The following SLC37A2 variants were observed in gnomAD, a reference collection of about 807,000 sequenced individuals.
SLC37A2 encodes the protein solute carrier family 37 member 2, also known as glucose-6-phosphate exchanger SLC37A2.
Under a neutral mutation model 70.7 loss-of-function variants are expected in SLC37A2, and 59 were observed. The ratio of observed to expected loss-of-function variants is 0.83; its 90% confidence interval spans 0.68 to 1.04. The LOEUF (loss-of-function observed/expected upper bound fraction) is 1.04, where lower values mean the gene tolerates loss of function less well. Among genes scored for constraint, SLC37A2 ranks in the 50% least tolerant of loss-of-function variants. SLC37A2 has a pLI of 0.00. For missense variants in SLC37A2, 580 were observed against 658.1 expected, an observed-to-expected ratio of 0.88 and a Z score of 1.30; for synonymous variants, 257 against 262.1, an observed-to-expected ratio of 0.98 and a Z score of 0.19.
At chr11:125,084,354 T>G in intron 12 of SLC37A2, 35 bp downstream of exon 12, 1 of 1,606,604 alleles carries the variant, frequency 6.2e-7, no homozygotes. Flanking sequence ...TGCGAATGCA[T>G]GTGAGCAGGA....
In SLC37A2 at chr11:125,085,580, C is replaced by A; in HGVS notation, c.1331C>A (p.Ala444Glu). 2 of 1,613,780 alleles carry A rather than the reference C, an allele frequency of 1.2e-6. No individual in the cohort carries two copies. Among genetic ancestry groups the A allele is most frequent in the Non-Finnish European group, 1.7e-6 (2 of 1,180,010 alleles). Residue 444 changes from alanine to glutamate, a missense_variant, in exon 16 of 18, where the codon GCG (alanine) becomes GAG (glutamate). Coordinates refer to ENST00000403796, the MANE Select transcript of SLC37A2 (RefSeq NM_001145290.2). ...AIIDGTGSIG[A>E]ALGPLLAGLI... Reference sequence around the variant, plus strand: ...CACGAGGCTGTGCTCCATTCAGGTGCGGCTCTGGGGCCTCTGCTGGCTGGG... The same window carrying A: ...CACGAGGCTGTGCTCCATTCAGGTGAGGCTCTGGGGCCTCTGCTGGCTGGG...
intron 1 of SLC37A2, among the ~76,000 whole-genome samples, chr11:125,070,351 G>GA (rs1410694793): frequency 6.6e-6 from 1 of 152,186 alleles, no homozygotes; most frequent in Admixed American, 6.5e-5. Context: ...CATACTGAGA[G>GA]AAAATCTGCT....
chr11:125,077,968 T>C (rs1312153065), intron 4 of SLC37A2, among the ~76,000 whole-genome samples: 1 of 152,120 alleles, frequency 6.6e-6, no homozygotes, highest in Non-Finnish European at 1.5e-5. Context: ...AATGGATGCA[T>C]TGGCAGCTGG....
At chr11:125,075,464 C>T (rs1056386177) in intron 1 of SLC37A2, among the ~76,000 whole-genome samples, 6 of 152,182 alleles carry the variant, frequency 3.9e-5, no homozygotes, top group Admixed American at 1.3e-4. Context: ...CTTTGGGAAC[C>T]GGTGGCCAGA....
At position 125,088,878 on chromosome 11, in the gene SLC37A2, G is replaced by A. The variant is rs1016045597; in HGVS notation, c.*744G>A. On this transcript the variant is annotated 3_prime_UTR_variant, in exon 18 of 18. Coordinates refer to ENST00000403796, the MANE Select transcript of SLC37A2 (RefSeq NM_001145290.2). ...TGCTGTGGGGAGAGTAGAAAGAGGGGTTGGCATGACTAAAAATACCAGTAT... is the reference window on the plus strand; with the variant it reads ...TGCTGTGGGGAGAGTAGAAAGAGGGATTGGCATGACTAAAAATACCAGTAT... 3 of 152,316 alleles carry A rather than the reference G, an allele frequency of 2.0e-5. No individual in the cohort carries two copies. The highest frequency in any genetic ancestry group is 7.2e-5 in the African/African-American group (3 of 41,458). The allele number at this position is 152,316 out of a possible 1,614,324, so 9.4% of individuals were successfully genotyped here. A position where few individuals can be genotyped will look rare whatever the true frequency, so the allele number is the denominator to read the frequency against.
chr11:125,076,961 C>A, intron 2 of SLC37A2, 123 bp downstream of exon 2: 3 of 926,470 alleles, frequency 3.2e-6, no homozygotes, highest in South Asian at 1.5e-5. Context: ...TGGCTGTCTT[C>A]CCCAGGAGCT....
intron 1 of SLC37A2, among the ~76,000 whole-genome samples, chr11:125,076,012 C>G (rs1949082890): frequency 6.6e-6 from 1 of 152,004 alleles, no homozygotes; most frequent in African/African-American, 2.4e-5. Flanking sequence ...GCTCTGGGGC[C>G]CTTCCCCAGG....
At chr11:125,085,171 CCG>C (rs1347678804) in intron 14 of SLC37A2, 32 bp downstream of exon 14, 1 of 1,602,866 alleles carries the variant, frequency 6.2e-7, no homozygotes, top group Non-Finnish European at 8.5e-7. Context: ...GGGCCAGGGA[CCG>C]TTCTGGGGGC....
chr11:125,066,310 G>A (rs1344296136), intron 1 of SLC37A2, among the ~76,000 whole-genome samples: 3 of 152,230 alleles, frequency 2.0e-5, no homozygotes, highest in Non-Finnish European at 4.4e-5. Flanking sequence ...GCTGAGGTGG[G>A]AGGATCCCTT....
intron 1 of SLC37A2, among the ~76,000 whole-genome samples, chr11:125,073,779 G>A (rs1326091450): frequency 6.6e-6 from 1 of 152,220 alleles, no homozygotes; most frequent in Non-Finnish European, 1.5e-5. Flanking sequence ...ATGTCCCTGG[G>A]AGTGGCTGGC....
chr11:125,069,206 A>T (rs1481159744), intron 1 of SLC37A2, among the ~76,000 whole-genome samples: 1 of 152,250 alleles, frequency 6.6e-6, no homozygotes, highest in Non-Finnish European at 1.5e-5. Context: ...TCCCTGTGGA[A>T]CATATGAGTG....
Position 125,083,535 on chromosome 11 carries a change from C to T in SLC37A2, c.977-280C>T, listed in dbSNP as rs1320465359. The T allele has an allele frequency of 3.8e-5, 15 of 391,122 alleles. No homozygotes were observed. The highest frequency in any genetic ancestry group is 2.2e-4 in the South Asian group (6 of 27,276). 24.2% of individuals were successfully genotyped at this position (391,122 alleles called of 1,614,324 possible). On this transcript the variant is annotated intron_variant, in intron 10 of 17. Transcript: ENST00000403796. The surrounding 1 kb of genome is among the most constrained non-coding windows in gnomAD (Gnocchi z 4.6). ...AAAGGTGGCCACGGGACAGCAGGCT[C>T]GGGGGCCAGATCCCAGAGCTTGCCA... is the stretch of plus-strand genomic sequence containing the variant.
rs921699989 is a variant in SLC37A2, at chr11:125,083,758, A to G, written c.977-57A>G. On this transcript the variant is annotated intron_variant, in intron 10 of 17. Transcript: ENST00000403796. This position sits in a 1 kb window ranked among gnomAD's most constrained non-coding sequence, Gnocchi z 4.6. ...GCTCTGCAGGGCTTCTAGCTGTGAC[A>G]CTCCAGGATGTTTGCCCCAAACCCC... The G allele has an allele frequency of 8.1e-6, 12 of 1,474,996 alleles. No homozygotes were observed. The African/African-American group carries it at 1.5e-4, about 19-fold the overall frequency. The allele number at this position is 1,474,996 out of a possible 1,614,324, so 91.4% of individuals were successfully genotyped here.
rs990281438 is a variant in SLC37A2, at chr11:125,083,154, C to T, written c.977-661C>T. ...TGAACAGGATACTGTAGGAATTAGT[C>T]ATGGCCAAGTTCAAGCCATAGCTTG... On this transcript the variant is annotated intron_variant, in intron 10 of 17. Coordinates refer to ENST00000403796, the MANE Select transcript of SLC37A2 (RefSeq NM_001145290.2). This position sits in a 1 kb window ranked among gnomAD's most constrained non-coding sequence, Gnocchi z 4.6. The T allele has an allele frequency of 6.6e-6, 1 of 152,512 alleles. No homozygotes were observed. The allele number at this position is 152,512 out of a possible 1,614,324, so 9.4% of individuals were successfully genotyped here. A position where few individuals can be genotyped will look rare whatever the true frequency, so the allele number is the denominator to read the frequency against.
At chr11:125,068,725 G>A (rs1263212028) in intron 1 of SLC37A2, among the ~76,000 whole-genome samples, 5 of 152,100 alleles carry the variant, frequency 3.3e-5, no homozygotes, top group South Asian at 2.1e-4. Context: ...AATACATGGC[G>A]GCTTTTACTA....
At chr11:125,088,052 C>T in intron 17 of SLC37A2, 67 bp from the exon 18 acceptor site, 1 of 1,527,232 alleles carries the variant, frequency 6.5e-7, no homozygotes, top group Admixed American at 2.0e-5. Flanking sequence ...CTTTCCTCTC[C>T]CTACTCAGCA....
rs1156510293 is a variant in SLC37A2 at position 125,085,483 on chromosome 11, T to TCTAG, written c.1327+13_1327+16dup. 4 of 1,613,878 alleles carry TCTAG rather than the reference T, an allele frequency of 2.5e-6. No individual in the cohort carries two copies. Among genetic ancestry groups the TCTAG allele is most frequent in the Non-Finnish European group, 3.4e-6 (4 of 1,179,946 alleles). On this transcript the variant is annotated intron_variant, in intron 15 of 17. Transcript: ENST00000403796. ...GGCACCGGCTCCATAGGTCTGTGAC[T>TCTAG]CTAGCTCTGTTGTGGGCCGGCCCCT... is the stretch of plus-strand genomic sequence containing the variant.
chr11:125,078,268 G>A (rs971746850), intron 4 of SLC37A2, among the ~76,000 whole-genome samples: 1 of 152,246 alleles, frequency 6.6e-6, no homozygotes. Context: ...TAGCAGCAGG[G>A]CTGAGGGCTG....
chr11:125,088,165 C>T lies in SLC37A2; in HGVS notation c.*31C>T, dbSNP rs1292277824. Reference sequence around the variant, plus strand: ...CAATTGGAACAGCAGCATGGAGGGTCCCAGTTGGGTCCCCAACGTGCTCCC... The same window carrying T: ...CAATTGGAACAGCAGCATGGAGGGTTCCAGTTGGGTCCCCAACGTGCTCCC... On this transcript the variant is annotated 3_prime_UTR_variant, in exon 18 of 18. Coordinates refer to ENST00000403796, the MANE Select transcript of SLC37A2 (RefSeq NM_001145290.2). The T allele has an allele frequency of 3.2e-6, 5 of 1,551,362 alleles. No individual in the cohort carries two copies. Among genetic ancestry groups the T allele is most frequent in the South Asian group, 1.2e-5 (1 of 84,058 alleles).
Sources: allele counts gnomAD v4.1 joint callset (sites outside exome capture counted in the v4.1 genomes callset), GRCh38; gene constraint gnomAD v4.1.1; non-coding constraint Gnocchi (gnomAD v3.1); transcripts MANE v1.5; gene names NCBI Gene and HGNC (gene_info 2026-07-23, HGNC 2026-07-21).